The following BBX variants were observed in gnomAD, a reference collection of about 807,000 sequenced individuals.
The protein encoded by BBX is HMG box transcription factor BBX.
BBX carries 30 observed loss-of-function variants against 100.2 expected under a neutral mutation model. That is an observed-to-expected ratio of 0.30 (90% CI 0.22 to 0.41). The LOEUF is 0.41. Ranked by LOEUF, BBX falls within the 10% of genes least tolerant of loss-of-function variation. The pLI, the probability that BBX is intolerant of heterozygous loss-of-function variation, is 1.00. For missense variants in BBX, 1,023 were observed against 1,129.8 expected (o/e 0.91, Z 1.35); for synonymous variants, 376 against 388.1 (o/e 0.97, Z 0.37).
intron 15 of BBX, among the ~76,000 whole-genome samples, chr3:107,798,097 G>A (rs919419280): frequency 2.0e-5 from 3 of 152,106 alleles, no homozygotes; most frequent in Admixed American, 2.0e-4. Flanking sequence ...AATTTAAGAA[G>A]GACATATTTA....
chr3:107,786,366 T>C (rs2068427165), intron 13 of BBX, among the ~76,000 whole-genome samples: 1 of 152,020 alleles, frequency 6.6e-6, no homozygotes, highest in South Asian at 2.1e-4. Context: ...CAAAACAATC[T>C]TAGAAGAAAA....
chr3:107,622,017 C>T (rs180993668), intron 2 of BBX, among the ~76,000 whole-genome samples: 6 of 152,190 alleles, frequency 3.9e-5, no homozygotes, highest in Admixed American at 2.0e-4. Context: ...GTATAGATTT[C>T]GTGTACAGTT....
intron 10 of BBX, among the ~76,000 whole-genome samples, chr3:107,765,647 C>A (rs1319893656): frequency 6.6e-6 from 1 of 152,156 alleles, no homozygotes; most frequent in East Asian, 1.9e-4. Context: ...TCCAGTACAT[C>A]ACTGTCAGAC....
At chr3:107,644,487 GA>G (rs1405497213) in intron 2 of BBX, among the ~76,000 whole-genome samples, 1 of 152,116 alleles carries the variant, frequency 6.6e-6, no homozygotes, top group Non-Finnish European at 1.5e-5. Context: ...AGATGTATAT[GA>G]AAAGTATGTG....
intron 3 of BBX, among the ~76,000 whole-genome samples, chr3:107,647,722 A>C (rs1294937962): frequency 6.6e-6 from 1 of 152,220 alleles, no homozygotes; most frequent in Non-Finnish European, 1.5e-5. Flanking sequence ...ATTACATTTC[A>C]GTATCAGAAG....
At chr3:107,627,335 T>C (rs1158972466) in intron 2 of BBX, among the ~76,000 whole-genome samples, 1 of 152,216 alleles carries the variant, frequency 6.6e-6, no homozygotes, top group Admixed American at 6.5e-5. Flanking sequence ...TGCAGAGGCT[T>C]ATGTATCTCT....
chr3:107,549,297 C>T (rs1313091651), intron 2 of BBX, among the ~76,000 whole-genome samples: 1 of 152,044 alleles, frequency 6.6e-6, no homozygotes, highest in Non-Finnish European at 1.5e-5. Flanking sequence ...ATGAAGTATA[C>T]TTTCTAGTGG....
At position 107,699,247 on chromosome 3, in the gene BBX, C is replaced by G. The variant is rs549872079; in HGVS notation, c.-9-11205C>G. 6.4e-4 allele frequency among the ~76,000 whole-genome samples: 97 copies of G among 151,854 alleles called. 1 individual carries two copies. Among genetic ancestry groups the G allele is most frequent in the Middle Eastern group, 3.4e-3 (1 of 294 alleles). ...GTGAGGTGAGATCCAAGCTAAGCCC[C>G]GAAGCAGGGATAAGAGTTCCACCGG... On this transcript the variant is annotated intron_variant, in intron 3 of 17. Coordinates refer to ENST00000325805, the MANE Select transcript of BBX (RefSeq NM_001142568.3).
chr3:107,680,033 A>G (rs535167831), intron 3 of BBX, among the ~76,000 whole-genome samples: 1 of 152,266 alleles, frequency 6.6e-6, no homozygotes, highest in African/African-American at 2.4e-5. Context: ...GCTGGGAGGA[A>G]CAAGTGTTCA....
chr3:107,747,205 TCATTGTCACACACTAA>T (rs950386907), intron 8 of BBX, among the ~76,000 whole-genome samples: 1 of 151,886 alleles, frequency 6.6e-6, no homozygotes, highest in African/African-American at 2.4e-5. Context: ...ACTCTTCCAT[TCATTGTCACACACTAA>T]CGTGTGAGTG....
chr3:107,721,194 A>C (rs2062499166), intron 5 of BBX, among the ~76,000 whole-genome samples: 1 of 152,170 alleles, frequency 6.6e-6, no homozygotes, highest in South Asian at 2.1e-4. Context: ...AGCATTCAGA[A>C]CATCTTTTGA....
At chr3:107,737,128 A>T (rs982509300) in intron 7 of BBX, among the ~76,000 whole-genome samples, 2 of 152,140 alleles carry the variant, frequency 1.3e-5, no homozygotes, top group African/African-American at 4.8e-5. Context: ...TACAGTGAAG[A>T]TTAATTAAAT....
chr3:107,729,499 A>G (rs974476522), intron 6 of BBX, among the ~76,000 whole-genome samples: 2 of 152,160 alleles, frequency 1.3e-5, no homozygotes, highest in African/African-American at 4.8e-5. Flanking sequence ...GACAAATTTA[A>G]AATTCCAGAT....
intron 2 of BBX, among the ~76,000 whole-genome samples, chr3:107,544,002 A>G (rs868689710): frequency 1.1e-4 from 17 of 152,352 alleles, no homozygotes; most frequent in African/African-American, 3.8e-4. Flanking sequence ...TGCAGGCTAA[A>G]CATTAGTAAG....
chr3:107,635,936 T>G lies in BBX; in HGVS notation c.-83-9900T>G, dbSNP rs2056826591. On this transcript the variant is annotated intron_variant, in intron 2 of 17. Coordinates refer to ENST00000325805, the MANE Select transcript of BBX (RefSeq NM_001142568.3). ...CATGTTGGCCAGGATGGTCTCAGACTCCTGACCTGGTGATCCTCCCGCCTC... is the reference window on the plus strand; with the variant it reads ...CATGTTGGCCAGGATGGTCTCAGACGCCTGACCTGGTGATCCTCCCGCCTC... 2.0e-5 allele frequency among the ~76,000 whole-genome samples: 3 copies of G among 152,140 alleles called. No homozygotes were observed. The South Asian group carries it at 6.2e-4, about 32-fold the overall frequency.
intron 3 of BBX, among the ~76,000 whole-genome samples, chr3:107,702,302 A>G (rs542340148): frequency 6.6e-6 from 1 of 152,324 alleles, no homozygotes; most frequent in East Asian, 1.9e-4. Flanking sequence ...ATAAAGGAAC[A>G]TGTTTTAGAC....
At chr3:107,605,645 G>A (rs907170686) in intron 2 of BBX, among the ~76,000 whole-genome samples, 2 of 152,150 alleles carry the variant, frequency 1.3e-5, no homozygotes, top group African/African-American at 4.8e-5. Flanking sequence ...TGATGGTAGA[G>A]TAATATCGTT....
intron 2 of BBX, among the ~76,000 whole-genome samples, chr3:107,618,615 T>C (rs1559880657): frequency 6.6e-6 from 1 of 152,052 alleles, no homozygotes; most frequent in Non-Finnish European, 1.5e-5. Flanking sequence ...CTTGTTTCAA[T>C]GTTATTTTCT....
At chr3:107,697,722 C>T (rs954640891) in intron 3 of BBX, among the ~76,000 whole-genome samples, 1 of 151,824 alleles carries the variant, frequency 6.6e-6, no homozygotes, top group African/African-American at 2.4e-5. Context: ...TGGTGGGCTC[C>T]ACCCAGTTCG....
Sources: allele counts gnomAD v4.1 joint callset (sites outside exome capture counted in the v4.1 genomes callset), GRCh38; gene constraint gnomAD v4.1.1; transcripts MANE v1.5; gene names NCBI Gene and HGNC (gene_info 2026-07-23, HGNC 2026-07-21).